CACNA1B: variants seen among roughly 807,000 people sequenced by gnomAD.
The protein encoded by CACNA1B is voltage-dependent N-type calcium channel subunit alpha-1B.
In CACNA1B, 70 loss-of-function variants were observed where a neutral mutation model predicts 247.2. The observed-to-expected ratio is 0.28, with a 90% confidence interval of 0.23 to 0.35. CACNA1B has a LOEUF of 0.35. Among genes scored for constraint, CACNA1B ranks in the 10% least tolerant of loss-of-function variants. CACNA1B has a pLI of 1.00. For missense variants in CACNA1B, 2,367 were observed against 3,197.4 expected (o/e 0.74, Z 6.26); for synonymous variants, 1,231 against 1,294.4 (o/e 0.95, Z 1.05).
Position 137,950,919 on chromosome 9 carries a change from G to A in CACNA1B, c.967-1355G>A, listed in dbSNP as rs1396273073. Among the ~76,000 whole-genome samples the A allele has an allele frequency of 6.6e-6, 1 of 152,230 alleles. No individual in the cohort carries two copies. The highest frequency in any genetic ancestry group is 1.5e-5 in the Non-Finnish European group (1 of 68,050). ...GTATGTCTGCTCCATCTTCCCAGAA[G>A]TGGAAGTCCTGTTTTTTAAGATGAG... is the stretch of plus-strand genomic sequence containing the variant. On this transcript the variant is annotated intron_variant, in intron 6 of 46. Coordinates refer to ENST00000371372, the MANE Select transcript of CACNA1B (RefSeq NM_000718.4). This position sits in a 1 kb window ranked among gnomAD's most constrained non-coding sequence, Gnocchi z 4.8.
In CACNA1B at chr9:137,954,329, CG is replaced by C. The variant is rs769041527; in HGVS notation, c.1071-1367del. ...AGGAGGGGCCAGCTTGGGGCCAATT[CG>C]GCATCTCTCTCTCCATTCCCAGAGC... On this transcript the variant is annotated intron_variant, in intron 7 of 46. Coordinates refer to ENST00000371372, the MANE Select transcript of CACNA1B (RefSeq NM_000718.4). The surrounding 1 kb of genome is among the most constrained non-coding windows in gnomAD (Gnocchi z 4.1). Among the ~76,000 whole-genome samples, 256 of 152,338 alleles carry C rather than the reference CG, an allele frequency of 1.7e-3. 1 individual carries two copies. The highest frequency in any genetic ancestry group is 3.7e-3 in the Admixed American group (56 of 15,310).
intron 38 of CACNA1B, among the ~76,000 whole-genome samples, chr9:138,104,907 G>A (rs1477528976): frequency 1.3e-5 from 2 of 152,244 alleles, no homozygotes; most frequent in Non-Finnish European, 2.9e-5. Flanking sequence ...CCAGAGGACT[G>A]TGGTGCAGAC....
Position 138,072,299 on chromosome 9 carries a change from G to T in CACNA1B, c.4675-1189G>T, listed in dbSNP as rs1960159675. ...GTGGAAGTGGCAGACCTAGGCAGAG[G>T]TGTCCTCAGTACGGGTTGGGCCACT... is the stretch of plus-strand genomic sequence containing the variant. On this transcript the variant is annotated intron_variant, in intron 32 of 46. Coordinates refer to ENST00000371372, the MANE Select transcript of CACNA1B (RefSeq NM_000718.4). The surrounding 1 kb of genome is among the most constrained non-coding windows in gnomAD (Gnocchi z 4.5). Among the ~76,000 whole-genome samples, 1 of 152,194 alleles carries T rather than the reference G, an allele frequency of 6.6e-6. No individual in the cohort carries two copies. Among genetic ancestry groups the T allele is most frequent in the Non-Finnish European group, 1.5e-5 (1 of 68,040 alleles).
At chr9:137,887,143 G>A (rs1354336599) in intron 3 of CACNA1B, among the ~76,000 whole-genome samples, 1 of 152,066 alleles carries the variant, frequency 6.6e-6, no homozygotes, top group Non-Finnish European at 1.5e-5. Flanking sequence ...CGGTGTTCTA[G>A]GAAGGAAGAG....
In CACNA1B at chr9:138,122,065, T is replaced by G; in HGVS notation, c.*66T>G. 6.9e-7 allele frequency: 1 copy of G among 1,439,380 alleles called. No individual in the cohort carries two copies. The highest frequency in any genetic ancestry group is 9.3e-7 in the Non-Finnish European group (1 of 1,074,696). 89.2% of individuals were successfully genotyped at this position (1,439,380 alleles called of 1,614,324 possible). On this transcript the variant is annotated 3_prime_UTR_variant, in exon 47 of 47. Transcript: ENST00000371372. The stretch of plus-strand genomic sequence containing the variant: ...GTGTTCCAGTGGATGAGTTTTATCA[T>G]CCACACGGGGCAGCCGGCCCTCGGG...
At position 137,971,286 on chromosome 9, in the gene CACNA1B, G is replaced by A; in HGVS notation, c.1334-97G>A. ...TTGTCTGTGACCGGCTGGGGCTGGG[G>A]GCAGGTGTCCTCCAGAGTGCGTCTG... On this transcript the variant is annotated intron_variant, in intron 10 of 46. Transcript: ENST00000371372. This position sits in a 1 kb window ranked among gnomAD's most constrained non-coding sequence, Gnocchi z 4.4. The A allele has an allele frequency of 2.5e-6, 2 of 803,288 alleles. No individual in the cohort carries two copies. The highest frequency in any genetic ancestry group is 4.1e-6 in the Non-Finnish European group (2 of 488,574). 49.8% of individuals were successfully genotyped at this position (803,288 alleles called of 1,614,324 possible).
At chr9:138,035,188 G>T (rs1458678381) in intron 20 of CACNA1B, among the ~76,000 whole-genome samples, 1 of 152,250 alleles carries the variant, frequency 6.6e-6, no homozygotes, top group Non-Finnish European at 1.5e-5. Context: ...GCCGGGCACA[G>T]TGGCTCATGC....
At chr9:138,090,762 GA>G (rs555453041) in intron 36 of CACNA1B, among the ~76,000 whole-genome samples, 54 of 81,952 alleles carry the variant, frequency 6.6e-4, no homozygotes, top group Non-Finnish European at 1.2e-3. Context: ...CAAATGAACT[GA>G]ATAGACATCT....
intron 15 of CACNA1B, among the ~76,000 whole-genome samples, chr9:138,003,827 G>A (rs540811555): frequency 1.3e-4 from 17 of 129,054 alleles, no homozygotes; most frequent in East Asian, 1.2e-3. Context: ...CCACTATGTC[G>A]CCCAGGCTGG....
intron 3 of CACNA1B, among the ~76,000 whole-genome samples, chr9:137,885,763 T>TG (rs1330213127): frequency 8.1e-6 from 1 of 124,222 alleles, no homozygotes; most frequent in Non-Finnish European, 1.7e-5. Context: ...GTCTGGGCTG[T>TG]GGGGGGGCTG....
rs573387053 is a variant in CACNA1B, at chr9:138,050,434, G to A, written c.3710+1119G>A. ...ACAGCCCGAGGACCGGGGACATCGC[G>A]AGGCGCTCCCGGTGCAGCTCCTCTC... is the stretch of plus-strand genomic sequence containing the variant. On this transcript the variant is annotated intron_variant, in intron 24 of 46. Transcript: ENST00000371372. The surrounding 1 kb of genome is among the most constrained non-coding windows in gnomAD (Gnocchi z 5.2). Among the ~76,000 whole-genome samples, 2 of 152,338 alleles carry A rather than the reference G, an allele frequency of 1.3e-5. No homozygotes were observed. Among genetic ancestry groups the A allele is most frequent in the African/African-American group, 4.8e-5 (2 of 41,582 alleles).
intron 1 of CACNA1B, 74 bp downstream of exon 1, chr9:137,878,291 G>C: frequency 8.6e-7 from 1 of 1,157,188 alleles, no homozygotes. Context: ...CCATCTTCCC[G>C]GTGGCCGGGA....
At chr9:138,106,763 G>A (rs551556714) in intron 39 of CACNA1B, among the ~76,000 whole-genome samples, 5 of 152,162 alleles carry the variant, frequency 3.3e-5, no homozygotes, top group Middle Eastern at 3.4e-3. Context: ...ACTCCGTCTC[G>A]AAAACAACCA....
chr9:138,123,973 C>A lies in CACNA1B; in HGVS notation c.*1974C>A, dbSNP rs1448628061. ...AATGTGTCCATTCCATGCAGAACCA[C>A]AGCCATTTCCCCAGGCAGTGTTGGG... is the stretch of plus-strand genomic sequence containing the variant. On this transcript the variant is annotated 3_prime_UTR_variant, in exon 47 of 47. Coordinates refer to ENST00000371372, the MANE Select transcript of CACNA1B (RefSeq NM_000718.4). 6.6e-6 allele frequency: 1 copy of A among 152,246 alleles called. No individual in the cohort carries two copies. The highest frequency in any genetic ancestry group is 1.5e-5 in the Non-Finnish European group (1 of 68,062). The allele number at this position is 152,246 out of a possible 1,614,324, so 9.4% of individuals were successfully genotyped here. A position where few individuals can be genotyped will look rare whatever the true frequency, so the allele number is the denominator to read the frequency against.
At chr9:138,055,535 C>G (rs979883429) in intron 26 of CACNA1B, among the ~76,000 whole-genome samples, 7 of 152,024 alleles carry the variant, frequency 4.6e-5, no homozygotes, top group Admixed American at 4.6e-4. Context: ...GGGATGTTTT[C>G]TTGTGTTTTC....
chr9:137,882,227 A>G lies in CACNA1B; in HGVS notation c.391-517A>G, dbSNP rs889525167. Among the ~76,000 whole-genome samples, 1 of 152,202 alleles carries G rather than the reference A, an allele frequency of 6.6e-6. No individual in the cohort carries two copies. The highest frequency in any genetic ancestry group is 2.4e-5 in the African/African-American group (1 of 41,448). On this transcript the variant is annotated intron_variant, in intron 2 of 46. Transcript: ENST00000371372. The surrounding 1 kb of genome is among the most constrained non-coding windows in gnomAD (Gnocchi z 4.0). The stretch of plus-strand genomic sequence containing the variant: ...CAACCTTGTGCAGGTTCCCACCCAG[A>G]GGCTGCTGTGGCCTCTGCCTGGCTC...
intron 8 of CACNA1B, among the ~76,000 whole-genome samples, chr9:137,956,254 T>C (rs557252196): frequency 2.1e-4 from 32 of 152,200 alleles, no homozygotes; most frequent in Middle Eastern, 3.4e-3. Context: ...GGAAGCGACG[T>C]GTGGGTAGGG....
At chr9:138,108,238 T>A (rs1457410178) in intron 39 of CACNA1B, among the ~76,000 whole-genome samples, 1 of 136,004 alleles carries the variant, frequency 7.4e-6, no homozygotes, top group Non-Finnish European at 1.5e-5. Context: ...TTGGGGAGGC[T>A]GAGGTAGGAG....
intron 18 of CACNA1B, among the ~76,000 whole-genome samples, chr9:138,015,303 C>T (rs975182209): frequency 1.3e-5 from 2 of 152,176 alleles, no homozygotes; most frequent in African/African-American, 4.8e-5. Context: ...GTCTGATTTC[C>T]GCCACAAGAG....
Sources: gnomAD v4.1 joint callset for allele counts (sites outside exome capture counted in the v4.1 genomes callset) on GRCh38, gnomAD v4.1.1 for gene constraint, Gnocchi (gnomAD v3.1) non-coding constraint, MANE v1.5 for transcripts, NCBI Gene and HGNC (gene_info 2026-07-23, HGNC 2026-07-21) for gene names.